Variants in GPC5 observed in about 807,000 individuals in gnomAD.
The protein encoded by GPC5 is glypican 5.
A neutral mutation model predicts 53.9 loss-of-function variants in GPC5; 47 were observed. The observed-to-expected ratio is 0.87, with a 90% CI of 0.69 to 1.11. The LOEUF (loss-of-function observed/expected upper bound fraction) is 1.11. GPC5 is among the 50% of genes most tolerant of loss of function. GPC5 has a pLI of 0.00. For synonymous variants in GPC5, 286 were observed against 263.3 expected, an observed-to-expected ratio of 1.09 and a Z score of -0.84; for missense variants, 748 against 713.1, an observed-to-expected ratio of 1.05 and a Z score of -0.56.
intron 7 of GPC5, among the ~76,000 whole-genome samples, chr13:92,619,226 A>G (rs1246624589): frequency 6.6e-6 from 1 of 152,012 alleles, no homozygotes; most frequent in Non-Finnish European, 1.5e-5. Context: ...TAACAAATTA[A>G]TAATCACTAA....
chr13:92,306,529 T>C (rs948227597), intron 7 of GPC5, among the ~76,000 whole-genome samples: 1 of 152,190 alleles, frequency 6.6e-6, no homozygotes, highest in Non-Finnish European at 1.5e-5. Context: ...CCTAGCCAGA[T>C]GTGTCCTTTT....
intron 6 of GPC5, among the ~76,000 whole-genome samples, chr13:92,010,805 C>A (rs1299964492): frequency 2.6e-5 from 4 of 152,184 alleles, no homozygotes; most frequent in African/African-American, 9.7e-5. Context: ...AGGCACCAAC[C>A]ATGATGGCAC....
chr13:91,466,882 A>T (rs1174541287), intron 2 of GPC5, among the ~76,000 whole-genome samples: 2 of 152,096 alleles, frequency 1.3e-5, no homozygotes, highest in Non-Finnish European at 2.9e-5. Context: ...GTATACTACT[A>T]TGGAGAGCAC....
At position 92,656,634 on chromosome 13, in the gene GPC5, C is replaced by T. The variant is rs553951316; in HGVS notation, c.1562-209648C>T. Among the ~76,000 whole-genome samples, 4 of 152,332 alleles carry T rather than the reference C, an allele frequency of 2.6e-5. No homozygotes were observed. The East Asian group carries it at 7.7e-4, about 29-fold the overall frequency. On this transcript the variant is annotated intron_variant, in intron 7 of 7. Transcript: ENST00000377067. ...TTCTTTCAAATGAATTAGCCTACTTCTATTTATGAACTGCATTTGGTTGTT... is the reference window on the plus strand; with the variant it reads ...TTCTTTCAAATGAATTAGCCTACTTTTATTTATGAACTGCATTTGGTTGTT...
At chr13:91,885,969 A>ATT (rs35768986) in intron 5 of GPC5, among the ~76,000 whole-genome samples, 1 of 151,638 alleles carries the variant, frequency 6.6e-6, no homozygotes, top group Non-Finnish European at 1.5e-5. Context: ...ATTTTTTAGG[A>ATT]TTTTTTTCTG....
chr13:92,260,671 G>A (rs61049392), intron 7 of GPC5, among the ~76,000 whole-genome samples: 1 of 152,164 alleles, frequency 6.6e-6, no homozygotes, highest in African/African-American at 2.4e-5. Context: ...AATAAGTAGG[G>A]TGGGTTTGGT....
intron 7 of GPC5, among the ~76,000 whole-genome samples, chr13:92,343,757 C>T (rs2043386508): frequency 2.0e-5 from 3 of 151,984 alleles, no homozygotes. Context: ...TCAGCATAAT[C>T]TTCATAAATT....
rs373372810 is a variant in GPC5 at position 91,899,953 on chromosome 13, G to A, written c.1281-7984G>A. Among the ~76,000 whole-genome samples, 3 of 152,212 alleles carry A rather than the reference G, an allele frequency of 2.0e-5. No individual in the cohort carries two copies. The East Asian group carries it at 5.8e-4, about 29-fold the overall frequency. ...ATAATTAGGTATGATGGCCCTAGGC[G>A]ACTACTACATTCTAATTCAGAAGTT... On this transcript the variant is annotated intron_variant, in intron 5 of 7. Transcript: ENST00000377067.
intron 6 of GPC5, among the ~76,000 whole-genome samples, chr13:92,077,204 T>C (rs1272414709): frequency 2.6e-5 from 4 of 152,218 alleles, no homozygotes; most frequent in Non-Finnish European, 5.9e-5. Context: ...CCCAACCACC[T>C]TGGGCACATG....
chr13:92,344,879 C>T (rs1594116724), intron 7 of GPC5, among the ~76,000 whole-genome samples: 1 of 152,042 alleles, frequency 6.6e-6, no homozygotes, highest in Non-Finnish European at 1.5e-5. Context: ...GGTCTTTTTT[C>T]ATATATTAGC....
In GPC5 at chr13:91,597,362, AACTT is replaced by A. The variant is rs1228195320; in HGVS notation, c.326-95820_326-95817del. Reference sequence around the variant, plus strand: ...TAGATTAACTACCTTTCCAGCATCTAACTTACTTGTAATTTGCAAATCTTGTTTG... The same window carrying A: ...TAGATTAACTACCTTTCCAGCATCTAACTTGTAATTTGCAAATCTTGTTTG... On this transcript the variant is annotated intron_variant, in intron 2 of 7. Transcript: ENST00000377067. 2.0e-5 allele frequency among the ~76,000 whole-genome samples: 3 copies of A among 152,152 alleles called. No homozygotes were observed. In the East Asian group the frequency reaches 5.8e-4, roughly 29 times the overall value.
At chr13:91,572,247 A>ATAAGTATGTGTATG (rs2031949236) in intron 2 of GPC5, among the ~76,000 whole-genome samples, 1 of 125,736 alleles carries the variant, frequency 8.0e-6, no homozygotes, top group African/African-American at 3.2e-5. Flanking sequence ...ACATGTGTAT[A>ATAAGTATGTGTATG]TATATACACA....
intron 7 of GPC5, among the ~76,000 whole-genome samples, chr13:92,583,039 G>T (rs1179034112): frequency 6.6e-6 from 1 of 151,738 alleles, no homozygotes; most frequent in Non-Finnish European, 1.5e-5. Flanking sequence ...AATGAAAGTG[G>T]TAAGAGTGGA....
intron 7 of GPC5, among the ~76,000 whole-genome samples, chr13:92,759,959 C>T (rs1186074350): frequency 1.3e-5 from 2 of 152,014 alleles, no homozygotes; most frequent in Non-Finnish European, 2.9e-5. Context: ...TTTTCTGCAT[C>T]AATTGATATG....
rs559281492 is a variant in GPC5, at chr13:92,380,385, T to A, written c.1561+235396T>A. The stretch of plus-strand genomic sequence containing the variant: ...TCTGCTCATGTAGACTGGAGGAGTG[T>A]TGTCTGCTGCTGGTAGCAGGGCCAG... On this transcript the variant is annotated intron_variant, in intron 7 of 7. Transcript: ENST00000377067. Among the ~76,000 whole-genome samples, 6 of 152,270 alleles carry A rather than the reference T, an allele frequency of 3.9e-5. No individual in the cohort carries two copies. The South Asian group carries it at 1.2e-3, about 32-fold the overall frequency.
intron 2 of GPC5, among the ~76,000 whole-genome samples, chr13:91,632,132 C>T (rs181915997): frequency 5.3e-5 from 8 of 152,246 alleles, no homozygotes; most frequent in African/African-American, 1.7e-4. Context: ...CTTGAAAGAT[C>T]GTAGTAGGTC....
intron 7 of GPC5, among the ~76,000 whole-genome samples, chr13:92,635,478 C>T (rs1455081544): frequency 6.6e-6 from 1 of 152,090 alleles, no homozygotes; most frequent in Non-Finnish European, 1.5e-5. Context: ...AGAGTGTGTT[C>T]ACAAGACAGA....
intron 7 of GPC5, among the ~76,000 whole-genome samples, chr13:92,504,309 A>G (rs572084440): frequency 6.6e-6 from 1 of 152,118 alleles, no homozygotes; most frequent in African/African-American, 2.4e-5. Context: ...GAATGTTGAC[A>G]GGTATAAAAC....
At chr13:91,472,112 T>G (rs141697177) in intron 2 of GPC5, among the ~76,000 whole-genome samples, 116 of 152,308 alleles carry the variant, frequency 7.6e-4, no homozygotes, top group African/African-American at 2.7e-3. Context: ...AATTCTCTGT[T>G]CAATCAATTG....
Sources: gnomAD v4.1 joint callset for allele counts (sites outside exome capture counted in the v4.1 genomes callset) on GRCh38, gnomAD v4.1.1 for gene constraint, MANE v1.5 for transcripts, NCBI Gene and HGNC (gene_info 2026-07-23, HGNC 2026-07-21) for gene names.